TMTC2: variants seen among roughly 807,000 people sequenced by gnomAD.
The protein encoded by TMTC2 is transmembrane O-mannosyltransferase targeting cadherins 2, also known as protein O-mannosyl-transferase TMTC2.
In TMTC2, 43 loss-of-function variants were observed where a neutral mutation model predicts 82.4. That is an observed-to-expected ratio of 0.52 (90% CI 0.41 to 0.67). TMTC2 has a LOEUF of 0.67. TMTC2 is among the 30% of genes least tolerant of loss of function. The pLI, the probability that TMTC2 is intolerant of heterozygous loss-of-function variation, is 0.00. For missense variants in TMTC2, 919 were observed against 1,012.4 expected (o/e 0.91, Z 1.25); for synonymous variants, 408 against 381.9 (o/e 1.07, Z -0.80).
At chr12:82,893,038 A>C (rs1301011558) in intron 2 of TMTC2, among the ~76,000 whole-genome samples, 1 of 152,138 alleles carries the variant, frequency 6.6e-6, no homozygotes, top group African/African-American at 2.4e-5. Context: ...AGTTATTCTT[A>C]GATGATAATG....
At position 82,800,344 on chromosome 12, in the gene TMTC2, G is replaced by A. The variant is rs115447668; in HGVS notation, c.84-56666G>A. 1.4e-3 allele frequency among the ~76,000 whole-genome samples: 208 copies of A among 152,214 alleles called. 1 individual carries two copies. Among genetic ancestry groups the A allele is most frequent in the African/African-American group, 4.4e-3 (183 of 41,536 alleles). On this transcript the variant is annotated intron_variant, in intron 1 of 11. Transcript: ENST00000321196. The stretch of plus-strand genomic sequence containing the variant: ...CAGGCCTGAGGGAAACATCTGGCTC[G>A]TTACCTTGCAGTGTGGCTCACCTCT...
chr12:82,731,755 A>G (rs1405092640), intron 1 of TMTC2, among the ~76,000 whole-genome samples: 1 of 152,246 alleles, frequency 6.6e-6, no homozygotes, highest in Non-Finnish European at 1.5e-5. Flanking sequence ...ATCAGCAACT[A>G]GTAAACCAAG....
chr12:82,862,421 A>T (rs904399752), intron 2 of TMTC2, among the ~76,000 whole-genome samples: 9 of 152,228 alleles, frequency 5.9e-5, no homozygotes, highest in African/African-American at 2.2e-4. Context: ...ACAGGTGGAA[A>T]ATTTTAAAAA....
chr12:83,134,678 G>A lies in TMTC2; in HGVS notation c.*2289G>A, dbSNP rs1449636267. The A allele has an allele frequency of 2.0e-5, 3 of 152,178 alleles. No homozygotes were observed. Among genetic ancestry groups the A allele is most frequent in the African/African-American group, 7.2e-5 (3 of 41,436 alleles). 9.4% of individuals were successfully genotyped at this position (152,178 alleles called of 1,614,324 possible). ...AAATGTCTCCGCTCAGGGATTTATG[G>A]TGGATTATTGCAGACAGTGCTAAAA... On this transcript the variant is annotated 3_prime_UTR_variant, in exon 12 of 12. Transcript: ENST00000321196.
chr12:82,707,178 G>A (rs1873400935), intron 1 of TMTC2, among the ~76,000 whole-genome samples: 1 of 152,162 alleles, frequency 6.6e-6, no homozygotes, highest in African/African-American at 2.4e-5. Flanking sequence ...TAGCAGATAT[G>A]GTGCCTGTAG....
intron 1 of TMTC2, among the ~76,000 whole-genome samples, chr12:82,843,640 AGTTCTGGGTAAAGAAAG>A (rs1208656537): frequency 1.3e-5 from 2 of 151,972 alleles, no homozygotes; most frequent in Admixed American, 6.6e-5. Context: ...TGGCTGCAGG[AGTTCTGGGTAAAGAAAG>A]GTGATTTGGG....
rs1278960483 is a variant in TMTC2 at position 82,687,447 on chromosome 12, G to A, written c.-140G>A. On this transcript the variant is annotated 5_prime_UTR_variant, in exon 1 of 12. Coordinates refer to ENST00000321196, the MANE Select transcript of TMTC2 (RefSeq NM_152588.3). The stretch of plus-strand genomic sequence containing the variant: ...GAGGAGTCGTGGATTGGAAGGACCC[G>A]AGGGAGGGAGGGTGGGGAAGCGAGG... 5.3e-6 allele frequency: 4 copies of A among 760,118 alleles called. No individual in the cohort carries two copies. In the East Asian group the frequency reaches 1.1e-4, roughly 21 times the overall value. 47.1% of individuals were successfully genotyped at this position (760,118 alleles called of 1,614,324 possible). A position where few individuals can be genotyped will look rare whatever the true frequency, so the allele number is the denominator to read the frequency against.
intron 11 of TMTC2, among the ~76,000 whole-genome samples, chr12:83,086,163 G>C (rs1399238167): frequency 3.3e-5 from 5 of 152,144 alleles, no homozygotes; most frequent in Admixed American, 2.6e-4. Flanking sequence ...CACACCTGGA[G>C]GGTTGCACGG....
intron 4 of TMTC2, among the ~76,000 whole-genome samples, chr12:82,957,483 GC>G (rs1565827478): frequency 1.3e-5 from 2 of 152,050 alleles, no homozygotes; most frequent in African/African-American, 4.8e-5. Context: ...AAAAACATGA[GC>G]AAGCTAACTG....
chr12:83,095,936 G>A (rs1391391629), intron 11 of TMTC2, among the ~76,000 whole-genome samples: 1 of 152,180 alleles, frequency 6.6e-6, no homozygotes, highest in Non-Finnish European at 1.5e-5. Flanking sequence ...TCTGAAGTCA[G>A]AACTTGTAGT....
chr12:82,771,129 C>T (rs1056915313), intron 1 of TMTC2, among the ~76,000 whole-genome samples: 24 of 151,428 alleles, frequency 1.6e-4, no homozygotes, highest in Non-Finnish European at 3.2e-4. Context: ...ATTGTTTGAA[C>T]CTTGGAGGCA....
intron 1 of TMTC2, among the ~76,000 whole-genome samples, chr12:82,761,864 C>CTCTT (rs1343170290): frequency 7.3e-5 from 3 of 41,338 alleles, no homozygotes; most frequent in Non-Finnish European, 1.2e-4. Context: ...TTGACTGTTT[C>CTCTT]TCTTTCTCTC....
chr12:82,776,083 T>C (rs1375162128), intron 1 of TMTC2, among the ~76,000 whole-genome samples: 3 of 152,118 alleles, frequency 2.0e-5, no homozygotes, highest in African/African-American at 7.2e-5. Context: ...CAGTGTCCCA[T>C]TGAATTGAAC....
intron 7 of TMTC2, among the ~76,000 whole-genome samples, chr12:82,981,205 T>C (rs2137328822): frequency 6.6e-6 from 1 of 152,004 alleles, no homozygotes; most frequent in South Asian, 2.1e-4. Context: ...ATAGGTTTCT[T>C]TAAAAATTAG....
At chr12:82,733,413 A>G (rs980367008) in intron 1 of TMTC2, among the ~76,000 whole-genome samples, 1 of 152,196 alleles carries the variant, frequency 6.6e-6, no homozygotes, top group Admixed American at 6.5e-5. Context: ...TTCTTGCAGT[A>G]TTTAGGGCCC....
intron 4 of TMTC2, among the ~76,000 whole-genome samples, chr12:82,934,250 T>A (rs534594872): frequency 6.6e-6 from 1 of 152,344 alleles, no homozygotes; most frequent in Admixed American, 6.5e-5. Context: ...AAAATTATAC[T>A]TTAAGTTCTG....
At chr12:83,095,765 T>C (rs1884008769) in intron 11 of TMTC2, among the ~76,000 whole-genome samples, 1 of 152,194 alleles carries the variant, frequency 6.6e-6, no homozygotes, top group Admixed American at 6.5e-5. Flanking sequence ...CATTTGCATG[T>C]AAGCCATCTA....
chr12:82,735,240 A>G (rs909098872), intron 1 of TMTC2, among the ~76,000 whole-genome samples: 1 of 152,340 alleles, frequency 6.6e-6, no homozygotes, highest in Admixed American at 6.5e-5. Context: ...CAATATCACA[A>G]TACAGAATCA....
At chr12:83,066,041 T>C (rs1882904961) in intron 11 of TMTC2, among the ~76,000 whole-genome samples, 1 of 152,008 alleles carries the variant, frequency 6.6e-6, no homozygotes, top group Non-Finnish European at 1.5e-5. Flanking sequence ...GTGCCAAATG[T>C]AGTAGGATTT....
Sources: allele counts gnomAD v4.1 joint callset (sites outside exome capture counted in the v4.1 genomes callset), GRCh38; gene constraint gnomAD v4.1.1; transcripts MANE v1.5; gene names NCBI Gene and HGNC (gene_info 2026-07-23, HGNC 2026-07-21).